KIF26B: variants seen among roughly 807,000 people sequenced by gnomAD.
KIF26B encodes the protein kinesin-like protein KIF26B.
In KIF26B, 63 loss-of-function variants were observed where a neutral mutation model predicts 151.2. The ratio of observed to expected loss-of-function variants is 0.42; its 90% CI spans 0.34 to 0.51. The LOEUF is 0.51. Among genes scored for constraint, KIF26B ranks in the 20% least tolerant of loss-of-function variants. The pLI is 0.07. For missense variants in KIF26B, 2,813 were observed against 2,913.6 expected (o/e 0.97, Z 0.79); for synonymous variants, 1,357 against 1,262.1 (o/e 1.08, Z -1.59).
At chr1:245,158,804 C>T (rs1433409524) in intron 2 of KIF26B, among the ~76,000 whole-genome samples, 1 of 151,608 alleles carries the variant, frequency 6.6e-6, no homozygotes, top group Non-Finnish European at 1.5e-5. Context: ...TCAATTTTAA[C>T]TACAAAATTT....
At chr1:245,355,613 G>A (rs75446839) in intron 2 of KIF26B, among the ~76,000 whole-genome samples, 1 of 121,150 alleles carries the variant, frequency 8.3e-6, no homozygotes, top group African/African-American at 5.7e-5. Flanking sequence ...AAAAAAAAAA[G>A]AAGAAGAAGA....
At chr1:245,605,528 C>T (rs2043442107) in intron 6 of KIF26B, among the ~76,000 whole-genome samples, 2 of 152,338 alleles carry the variant, frequency 1.3e-5, no homozygotes, top group African/African-American at 2.4e-5. Flanking sequence ...CCTTTGAGAG[C>T]CATATGACCC....
intron 2 of KIF26B, among the ~76,000 whole-genome samples, chr1:245,233,664 A>G (rs907540697): frequency 1.3e-5 from 2 of 152,134 alleles, no homozygotes; most frequent in African/African-American, 2.4e-5. Flanking sequence ...AAATCTCTTA[A>G]CTAACCACAG....
intron 2 of KIF26B, among the ~76,000 whole-genome samples, chr1:245,174,031 A>G (rs1003680427): frequency 2.4e-4 from 36 of 152,376 alleles, no homozygotes; most frequent in African/African-American, 7.9e-4. Context: ...AGAGCAGCAC[A>G]TTAAATGGTT....
At chr1:245,391,432 T>TG (rs1369217299) in intron 3 of KIF26B, among the ~76,000 whole-genome samples, 10 of 152,178 alleles carry the variant, frequency 6.6e-5, no homozygotes, top group Non-Finnish European at 1.3e-4. Context: ...TTTCTTTAGA[T>TG]ATCTCAACGG....
chr1:245,293,152 C>T (rs895461120), intron 2 of KIF26B, among the ~76,000 whole-genome samples: 2 of 152,224 alleles, frequency 1.3e-5, no homozygotes, highest in African/African-American at 4.8e-5. Context: ...CTAATCCTAT[C>T]CCCAAGGCTA....
intron 3 of KIF26B, among the ~76,000 whole-genome samples, chr1:245,402,138 AC>A (rs1674018215): frequency 6.6e-6 from 1 of 152,168 alleles, no homozygotes; most frequent in Non-Finnish European, 1.5e-5. Context: ...GCTGTTCTCC[AC>A]GTTGGTAGCT....
intron 4 of KIF26B, among the ~76,000 whole-genome samples, chr1:245,464,681 TGTGA>T (rs148675925): frequency 4.0e-5 from 6 of 151,364 alleles, no homozygotes; most frequent in Non-Finnish European, 7.4e-5. Flanking sequence ...TGTGTGCATG[TGTGA>T]GTATGTGCAT....
intron 3 of KIF26B, among the ~76,000 whole-genome samples, chr1:245,415,807 C>A (rs1322525671): frequency 2.0e-5 from 3 of 147,488 alleles, no homozygotes; most frequent in African/African-American, 5.0e-5. Context: ...TTTTTTTTGC[C>A]TGACATATAC....
rs1387516951 is a variant in KIF26B at position 245,706,670 on chromosome 1, C to T, written c.*4064C>T. 1 of 152,202 alleles carries T rather than the reference C, an allele frequency of 6.6e-6. No individual in the cohort carries two copies. Among genetic ancestry groups the T allele is most frequent in the African/African-American group, 2.4e-5 (1 of 41,452 alleles). The allele number at this position is 152,202 out of a possible 1,614,324, so 9.4% of individuals were successfully genotyped here. The stretch of plus-strand genomic sequence containing the variant: ...GCCAGTGAGAAAGAGGTTGAAAGTC[C>T]TGTTTGCTATTAGTTGAGGCTAAGC... On this transcript the variant is annotated 3_prime_UTR_variant, in exon 15 of 15. Coordinates refer to ENST00000407071, the MANE Select transcript of KIF26B (RefSeq NM_018012.4).
intron 2 of KIF26B, among the ~76,000 whole-genome samples, chr1:245,223,916 T>A (rs1404701043): frequency 2.0e-5 from 3 of 152,214 alleles, no homozygotes; most frequent in Non-Finnish European, 2.9e-5. Context: ...CAGCATCACT[T>A]AAAAATGCCC....
At chr1:245,471,794 CTT>C (rs35302412) in intron 4 of KIF26B, among the ~76,000 whole-genome samples, 142 of 145,162 alleles carry the variant, frequency 9.8e-4, no homozygotes, top group Admixed American at 1.5e-3. Flanking sequence ...TTAGATCTTA[CTT>C]TTTTTTTTTT....
chr1:245,369,716 G>A (rs1343369762), intron 3 of KIF26B, among the ~76,000 whole-genome samples: 8 of 152,182 alleles, frequency 5.3e-5, no homozygotes, highest in Admixed American at 1.3e-4. Flanking sequence ...TGCCTACCGC[G>A]GTTTCTTCCA....
At chr1:245,467,175 G>A (rs149782948) in intron 4 of KIF26B, among the ~76,000 whole-genome samples, 239 of 152,216 alleles carry the variant, frequency 1.6e-3, no homozygotes, top group African/African-American at 5.6e-3. Context: ...GAACATCAAC[G>A]TTTTTGAACA....
intron 2 of KIF26B, among the ~76,000 whole-genome samples, chr1:245,339,848 T>C (rs1672303485): frequency 6.6e-6 from 1 of 152,228 alleles, no homozygotes; most frequent in South Asian, 2.1e-4. Context: ...GTGTGGATTA[T>C]GACAGTCCTA....
chr1:245,568,866 G>T (rs1000032480), intron 5 of KIF26B, among the ~76,000 whole-genome samples: 2 of 152,156 alleles, frequency 1.3e-5, no homozygotes, highest in African/African-American at 4.8e-5. Context: ...TTTGAATTGG[G>T]CAGAACCAGA....
intron 4 of KIF26B, among the ~76,000 whole-genome samples, chr1:245,521,636 G>C (rs908835964): frequency 3.3e-5 from 5 of 152,098 alleles, no homozygotes; most frequent in Admixed American, 2.0e-4. Context: ...ATGCAACAAG[G>C]CTTACTTCTT....
intron 3 of KIF26B, among the ~76,000 whole-genome samples, chr1:245,377,732 A>G (rs1486116906): frequency 1.3e-5 from 2 of 152,184 alleles, no homozygotes; most frequent in Non-Finnish European, 2.9e-5. Context: ...TTGCTGAACC[A>G]CTTCTGAAGA....
chr1:245,594,296 T>C (rs917895048), intron 5 of KIF26B, among the ~76,000 whole-genome samples: 7 of 152,196 alleles, frequency 4.6e-5, no homozygotes, highest in Non-Finnish European at 1.0e-4. Flanking sequence ...TGTTTTATGG[T>C]TTTAGGTCTT....
Sources: allele counts gnomAD v4.1 joint callset (sites outside exome capture counted in the v4.1 genomes callset), GRCh38; gene constraint gnomAD v4.1.1; transcripts MANE v1.5; gene names NCBI Gene and HGNC (gene_info 2026-07-23, HGNC 2026-07-21).